Variants in SLC26A9 observed in about 807,000 individuals in gnomAD.
SLC26A9 encodes the protein anion transporter/exchanger protein 9.
In SLC26A9, 46 loss-of-function variants were observed where a neutral mutation model predicts 87.1. That is an observed-to-expected ratio of 0.53 (90% CI 0.42 to 0.67). The LOEUF (loss-of-function observed/expected upper bound fraction) is 0.67. Among genes scored for constraint, SLC26A9 ranks in the 30% least tolerant of loss-of-function variants. The pLI is 0.00. For synonymous variants in SLC26A9, 437 were observed against 409.1 expected (o/e 1.07, Z -0.82); for missense variants, 927 against 1,018.3 (o/e 0.91, Z 1.22).
At chr1:205,927,651 C>T in intron 9 of SLC26A9, 46 bp from the exon 10 acceptor site, 1 of 1,562,006 alleles carries the variant, frequency 6.4e-7, no homozygotes, top group Non-Finnish European at 8.7e-7. Context: ...GGCTGGGGGG[C>T]ACGGGGACCA....
chr1:205,914,891 C>A lies in SLC26A9; in HGVS notation c.*466G>T. 6.2e-7 allele frequency: 1 copy of A among 1,607,220 alleles called. No individual in the cohort carries two copies. On this transcript the variant is annotated 3_prime_UTR_variant, in exon 21 of 21. Coordinates refer to ENST00000367135, the MANE Select transcript of SLC26A9 (RefSeq NM_052934.4). ...AGCCAGAGTCCTAACCAAGTTTATC[C>A]CTATGTCCGTGACAGCCTGACACCA...
At chr1:205,924,695 G>A in intron 12 of SLC26A9, 1 of 532,510 alleles carries the variant, frequency 1.9e-6, no homozygotes, top group Non-Finnish European at 3.3e-6. Context: ...GACTGTGGTT[G>A]CCTGATCTTG....
Position 205,921,623 on chromosome 1 carries a change from G to T in SLC26A9, c.1998C>A (p.Ile666=). The T allele has an allele frequency of 6.2e-7, 1 of 1,611,744 alleles. No homozygotes were observed. Among genetic ancestry groups the T allele is most frequent in the Non-Finnish European group, 8.5e-7 (1 of 1,179,216 alleles). ...CGAAGCTGACTCCACTCATGTCCAGGATGAGGGTGTGGAAGGTGACGAAGG... is the reference window on the plus strand; with the variant it reads ...CGAAGCTGACTCCACTCATGTCCAGTATGAGGGTGTGGAAGGTGACGAAGG... ...VPPFVTFHTL[I]LDMSGVSFVD... is the part of the protein sequence containing the mutation. The change falls in exon 17 of 21, where the codon ATC becomes ATA. Residue 666 remains isoleucine (I), a synonymous_variant. Coordinates refer to ENST00000367135, the MANE Select transcript of SLC26A9 (RefSeq NM_052934.4).
intron 1 of SLC26A9, among the ~76,000 whole-genome samples, chr1:205,936,054 C>T (rs1445670931): frequency 6.6e-6 from 1 of 152,200 alleles, no homozygotes; most frequent in African/African-American, 2.4e-5. Context: ...ATAGACTCAC[C>T]CTGGCTGTTT....
At chr1:205,925,341 G>A (rs9438403) in intron 12 of SLC26A9, among the ~76,000 whole-genome samples, 15,547 of 152,140 alleles carry the variant, frequency 0.1, 1,465 homozygotes, top group East Asian at 0.57. Flanking sequence ...AACATTGGGT[G>A]AAGTTTTGAT....
At chr1:205,940,940 G>C (rs890272886) in intron 1 of SLC26A9, among the ~76,000 whole-genome samples, 1 of 152,184 alleles carries the variant, frequency 6.6e-6, no homozygotes, top group African/African-American at 2.4e-5. Context: ...TCTGGGAAGA[G>C]GAAAGGTCAC....
rs375080186 is a variant in SLC26A9 at position 205,933,380 on chromosome 1, T to A, written c.126-296A>T. On this transcript the variant is annotated intron_variant, in intron 2 of 20. Coordinates refer to ENST00000367135, the MANE Select transcript of SLC26A9 (RefSeq NM_052934.4). Reference sequence around the variant, plus strand: ...TCAGCCTTCGGAGGTATCAGATCCATCCCTTGGCTCAGATGGCTTTTCTCT... The same window carrying A: ...TCAGCCTTCGGAGGTATCAGATCCAACCCTTGGCTCAGATGGCTTTTCTCT... Among the ~76,000 whole-genome samples the A allele has an allele frequency of 7.9e-5, 12 of 152,272 alleles. 1 individual carries two copies. Among genetic ancestry groups the A allele is most frequent in the African/African-American group, 2.2e-4 (9 of 41,550 alleles).
At position 205,923,039 on chromosome 1, in the gene SLC26A9, G is replaced by A. The variant is rs758719678; in HGVS notation, c.1773+43C>T. ...AGTAACAGGGGGCAGTATCAGAATG[G>A]GCAGGAGAGCAGGGCACGGGGCTGC... On this transcript the variant is annotated intron_variant, in intron 16 of 20. Coordinates refer to ENST00000367135, the MANE Select transcript of SLC26A9 (RefSeq NM_052934.4). 10 of 1,575,804 alleles carry A rather than the reference G, an allele frequency of 6.3e-6. No homozygotes were observed. The Admixed American group carries it at 1.2e-4, about 18-fold the overall frequency.
At chr1:205,937,889 G>GC (rs1659582364) in intron 1 of SLC26A9, among the ~76,000 whole-genome samples, 1 of 63,714 alleles carries the variant, frequency 1.6e-5, no homozygotes, top group African/African-American at 9.0e-5. Context: ...CAGACCACTT[G>GC]CAAAAAAAAA....
chr1:205,929,024 A>T (rs1008562243), intron 7 of SLC26A9, 115 bp from the exon 8 acceptor site: 11 of 1,464,276 alleles, frequency 7.5e-6, no homozygotes, highest in Non-Finnish European at 9.5e-6. Context: ...CTGCCTCCTT[A>T]GGGGGAATTA....
At position 205,929,835 on chromosome 1, in the gene SLC26A9, T is replaced by C. The variant is rs1046452113; in HGVS notation, c.717+57A>G. On this transcript the variant is annotated intron_variant, in intron 6 of 20. Coordinates refer to ENST00000367135, the MANE Select transcript of SLC26A9 (RefSeq NM_052934.4). ...CACGACATCTTAAAACAGTACATCC[T>C]CCTCATGTGTCTGCTGGAGCCTTGC... 11 of 1,525,894 alleles carry C rather than the reference T, an allele frequency of 7.2e-6. No homozygotes were observed. The Admixed American group carries it at 2.2e-4, about 30-fold the overall frequency. 94.5% of individuals were successfully genotyped at this position (1,525,894 alleles called of 1,614,324 possible).
intron 20 of SLC26A9, 133 bp downstream of exon 20, chr1:205,917,150 T>A (rs1658627596): frequency 9.1e-6 from 6 of 660,452 alleles, no homozygotes; most frequent in African/African-American, 3.8e-5. Flanking sequence ...TGACCACAAA[T>A]CTTTGTGGCC....
chr1:205,938,974 TAGGGA>T (rs577612133), intron 1 of SLC26A9, among the ~76,000 whole-genome samples: 163 of 152,312 alleles, frequency 1.1e-3, no homozygotes, highest in South Asian at 7.9e-3. Flanking sequence ...CACCAGATAC[TAGGGA>T]GTCCCCTCTG....
Position 205,935,699 on chromosome 1 carries a change from A to T in SLC26A9, c.122T>A (p.Phe41Tyr). Residue 41 changes from phenylalanine to tyrosine, a missense_variant, in exon 2 of 21, where the codon TTC becomes TAC. Physicochemically the swap from Phe to Tyr is conservative, Grantham distance 22. Transcript: ENST00000367135. ...GTCTGGGCTCTGGACCAGTTACCTG[A>T]AGGCATTGCGAAGTTTCTCTCCCAC... is the stretch of plus-strand genomic sequence containing the variant. ...YPVGEKLRNA[F>Y]RCSSAKIKAV... 1.2e-6 allele frequency: 2 copies of T among 1,614,016 alleles called. No homozygotes were observed. Among genetic ancestry groups the T allele is most frequent in the Non-Finnish European group, 1.7e-6 (2 of 1,179,920 alleles).
In SLC26A9 at chr1:205,931,869, G is replaced by C; in HGVS notation, c.543C>G (p.Ala181=). 6.2e-7 allele frequency: 1 copy of C among 1,613,032 alleles called. No individual in the cohort carries two copies. The highest frequency in any genetic ancestry group is 2.2e-5 in the East Asian group (1 of 44,858). The part of the protein sequence containing the change: ...HVSATLACLT[A]IIQMGLGFMQ... ...GGGGCTGCCCCCTCACCTGGATGAT[G>C]GCGGTGAGGCAGGCTAGCGTAGCTG... Residue 181 remains alanine (A), a synonymous_variant, in exon 5 of 21, where the codon GCC becomes GCG. Transcript: ENST00000367135.
chr1:205,935,804 G>T lies in SLC26A9; in HGVS notation c.17C>A (p.Pro6His), dbSNP rs756765962. 10 of 1,613,700 alleles carry T rather than the reference G, an allele frequency of 6.2e-6. No homozygotes were observed. The highest frequency in any genetic ancestry group is 8.5e-6 in the Non-Finnish European group (10 of 1,179,744). MSQPRPRYVVDRAAYS... is the reference protein window; with the variant it reads MSQPRHRYVVDRAAYS... Reference sequence around the variant, plus strand: ...TGCGGCTCTGTCTACCACGTAGCGGGGCCTGGGCTGGCTCATATCTGGGGC... The same window carrying T: ...TGCGGCTCTGTCTACCACGTAGCGGTGCCTGGGCTGGCTCATATCTGGGGC... The change falls in exon 2 of 21, where the codon CCC becomes CAC. Residue 6 changes from proline to histidine, a missense_variant. Physicochemically the swap from Pro to His is moderately conservative, Grantham distance 77. Coordinates refer to ENST00000367135, the MANE Select transcript of SLC26A9 (RefSeq NM_052934.4).
intron 17 of SLC26A9, among the ~76,000 whole-genome samples, chr1:205,920,688 C>A (rs191590758): frequency 6.6e-6 from 1 of 152,218 alleles, no homozygotes; most frequent in Admixed American, 6.5e-5. Context: ...TTAGTAGAGG[C>A]GGGGTTTCAC....
At chr1:205,938,157 G>T (rs1659594925) in intron 1 of SLC26A9, among the ~76,000 whole-genome samples, 1 of 150,690 alleles carries the variant, frequency 6.6e-6, no homozygotes, top group Admixed American at 6.6e-5. Flanking sequence ...CTTTCTTCCT[G>T]CCACCCAGCC....
Position 205,918,885 on chromosome 1 carries a change from G to A in SLC26A9, c.2211C>T (p.Ala737=). 6.2e-7 allele frequency: 1 copy of A among 1,614,186 alleles called. No individual in the cohort carries two copies. The highest frequency in any genetic ancestry group is 8.5e-7 in the Non-Finnish European group (1 of 1,180,024). The change falls in exon 19 of 21, where the codon GCC becomes GCT. Residue 737 remains alanine, a synonymous_variant. Coordinates refer to ENST00000367135, the MANE Select transcript of SLC26A9 (RefSeq NM_052934.4). ...FPSIHDAVLF[A]QANARDVTPG... ...GGGTCACGTCTCTAGCATTTGCCTG[G>A]GCAAAGAGGACTGCGTCATGTATGC...
Sources: allele counts gnomAD v4.1 joint callset (sites outside exome capture counted in the v4.1 genomes callset), GRCh38; gene constraint gnomAD v4.1.1; transcripts MANE v1.5; gene names NCBI Gene and HGNC (gene_info 2026-07-23, HGNC 2026-07-21).